CSMD1: variants seen among roughly 807,000 people sequenced by gnomAD.
CSMD1 encodes CUB and sushi domain-containing protein 1.
A neutral mutation model predicts 417.5 loss-of-function variants in CSMD1; 213 were observed. The observed-to-expected ratio is 0.51, with a 90% CI of 0.46 to 0.57. The LOEUF is 0.57. CSMD1 is among the 20% of genes least tolerant of loss of function. CSMD1 has a pLI of 0.00. For missense variants in CSMD1, 6,923 were observed against 4,529.7 expected, an observed-to-expected ratio of 1.53 and a Z score of -15.17; for synonymous variants, 2,862 against 1,736.8, an observed-to-expected ratio of 1.65 and a Z score of -16.11.
At chr8:3,585,134 G>T (rs867647023) in intron 9 of CSMD1, among the ~76,000 whole-genome samples, 1 of 152,216 alleles carries the variant, frequency 6.6e-6, no homozygotes, top group Middle Eastern at 3.4e-3. Flanking sequence ...GACCCCTAGT[G>T]GTTATAGGGA....
At chr8:4,913,885 G>A (rs1339398821) in intron 1 of CSMD1, among the ~76,000 whole-genome samples, 4 of 152,250 alleles carry the variant, frequency 2.6e-5, no homozygotes, top group East Asian at 3.9e-4. Context: ...GATGGAACCC[G>A]ATTACTGTGC....
chr8:4,233,890 C>G (rs17069661), intron 3 of CSMD1, among the ~76,000 whole-genome samples: 2,209 of 151,844 alleles, frequency 0.015, 51 homozygotes, highest in African/African-American at 0.05. Context: ...GAAGCCATAT[C>G]CAGTACTTGG....
rs755830814 is a variant in CSMD1 at position 4,738,216 on chromosome 8, G to C, written c.86-100658C>G. 1.1e-3 allele frequency among the ~76,000 whole-genome samples: 162 copies of C among 152,250 alleles called. 1 individual carries two copies. The highest frequency in any genetic ancestry group is 1.9e-3 in the Non-Finnish European group (131 of 68,002). ...TAGTCCGTTTTTATTAAAAAAGAAT[G>C]TCCCTACAGTCAAATATTTATCCAT... On this transcript the variant is annotated intron_variant, in intron 1 of 69. Coordinates refer to ENST00000635120, the MANE Select transcript of CSMD1 (RefSeq NM_033225.6).
intron 5 of CSMD1, among the ~76,000 whole-genome samples, chr8:3,787,802 T>TAA (rs960616162): frequency 3.3e-5 from 5 of 152,174 alleles, no homozygotes; most frequent in African/African-American, 9.7e-5. Flanking sequence ...TTTAGTACTT[T>TAA]AAATGTGCTG....
intron 2 of CSMD1, among the ~76,000 whole-genome samples, chr8:4,632,504 C>A (rs1802581487): frequency 6.6e-6 from 1 of 152,050 alleles, no homozygotes; most frequent in African/African-American, 2.4e-5. Context: ...AAGAGCAAAA[C>A]TCCATCATGG....
At chr8:3,862,325 G>T (rs1025040342) in intron 5 of CSMD1, among the ~76,000 whole-genome samples, 1 of 152,052 alleles carries the variant, frequency 6.6e-6, no homozygotes, top group Non-Finnish European at 1.5e-5. Flanking sequence ...TCTGCCCAAG[G>T]GCGTCCACCA....
intron 1 of CSMD1, among the ~76,000 whole-genome samples, chr8:4,638,776 G>C (rs576426552): frequency 6.6e-6 from 1 of 152,300 alleles, no homozygotes; most frequent in African/African-American, 2.4e-5. Context: ...ACATGACAAT[G>C]GGAAATGATG....
At chr8:3,259,450 C>G (rs1563196429) in intron 26 of CSMD1, among the ~76,000 whole-genome samples, 1 of 145,918 alleles carries the variant, frequency 6.9e-6, no homozygotes, top group African/African-American at 2.5e-5. Context: ...GAATGAGAAC[C>G]CAGGATGCAT....
chr8:3,357,780 G>C (rs1808890564), intron 21 of CSMD1, among the ~76,000 whole-genome samples: 1 of 151,654 alleles, frequency 6.6e-6, no homozygotes, highest in African/African-American at 2.4e-5. Flanking sequence ...TTTTTTTCTT[G>C]AGATAACAGT....
intron 6 of CSMD1, among the ~76,000 whole-genome samples, chr8:3,722,492 T>C (rs1347505090): frequency 6.6e-6 from 1 of 152,158 alleles, no homozygotes; most frequent in Non-Finnish European, 1.5e-5. Flanking sequence ...CATTCTCTCC[T>C]GAAAAGCAGG....
chr8:4,530,042 G>A lies in CSMD1; in HGVS notation c.302+107300C>T, dbSNP rs554816689. ...CCATTTTCCTGCCTCAGCCTCCAGAGTAGCTGGGACTACAGGTGCCCGCCA... is the reference window on the plus strand; with the variant it reads ...CCATTTTCCTGCCTCAGCCTCCAGAATAGCTGGGACTACAGGTGCCCGCCA... On this transcript the variant is annotated intron_variant, in intron 2 of 69. Transcript: ENST00000635120. 6.4e-4 allele frequency among the ~76,000 whole-genome samples: 97 copies of A among 152,092 alleles called. No individual in the cohort carries two copies. In the South Asian group the frequency reaches 8.9e-3, roughly 14 times the overall value.
chr8:4,049,896 C>A (rs1018189500), intron 3 of CSMD1, among the ~76,000 whole-genome samples: 1 of 109,406 alleles, frequency 9.1e-6, no homozygotes, highest in East Asian at 2.9e-4. Flanking sequence ...AAGTAACGTT[C>A]GCTTTCTGTT....
At chr8:4,463,982 AGCTAT>A (rs1799997578) in intron 2 of CSMD1, among the ~76,000 whole-genome samples, 1 of 152,180 alleles carries the variant, frequency 6.6e-6, no homozygotes, top group African/African-American at 2.4e-5. Context: ...AATTCCATTT[AGCTAT>A]AAGTCTCATT....
chr8:3,755,784 G>C (rs1190727520), intron 5 of CSMD1, among the ~76,000 whole-genome samples: 2 of 152,056 alleles, frequency 1.3e-5, no homozygotes, highest in African/African-American at 4.8e-5. Flanking sequence ...AATTACAACA[G>C]TGTTTATGCC....
intron 3 of CSMD1, among the ~76,000 whole-genome samples, chr8:4,074,271 G>C (rs911015169): frequency 4.6e-5 from 7 of 151,990 alleles, no homozygotes; most frequent in Non-Finnish European, 1.0e-4. Flanking sequence ...CATAAAGAAA[G>C]TCATGAAACG....
At chr8:3,303,188 T>G (rs1007891075) in intron 25 of CSMD1, among the ~76,000 whole-genome samples, 2 of 152,218 alleles carry the variant, frequency 1.3e-5, no homozygotes, top group African/African-American at 4.8e-5. Context: ...TTCTGTCCTG[T>G]CAGGAAAATT....
chr8:3,305,642 C>A (rs1804776054), intron 25 of CSMD1, among the ~76,000 whole-genome samples: 1 of 152,108 alleles, frequency 6.6e-6, no homozygotes, highest in Non-Finnish European at 1.5e-5. Context: ...TCCCATCCTC[C>A]AGAACTGTTA....
chr8:3,249,242 G>A (rs1283967788), intron 26 of CSMD1, among the ~76,000 whole-genome samples: 1 of 152,084 alleles, frequency 6.6e-6, no homozygotes, highest in Non-Finnish European at 1.5e-5. Context: ...TTGTTATTGA[G>A]ATAGAGACTC....
chr8:3,330,370 A>G (rs1047536175), intron 23 of CSMD1, among the ~76,000 whole-genome samples: 1 of 152,254 alleles, frequency 6.6e-6, no homozygotes, highest in African/African-American at 2.4e-5. Flanking sequence ...GAGAGACTGG[A>G]TAAAGAAAGT....
Sources: allele counts gnomAD v4.1 joint callset (sites outside exome capture counted in the v4.1 genomes callset), GRCh38; gene constraint gnomAD v4.1.1; transcripts MANE v1.5; gene names NCBI Gene and HGNC (gene_info 2026-07-23, HGNC 2026-07-21).